The following SUGCT variants were observed in gnomAD, a reference collection of about 807,000 sequenced individuals.
SUGCT encodes succinyl-CoA:glutarate-CoA transferase.
Under a neutral mutation model 55.0 loss-of-function variants are expected in SUGCT, and 41 were observed. That is an observed-to-expected ratio of 0.74 (90% CI 0.58 to 0.97). SUGCT has a LOEUF of 0.97. Among genes scored for constraint, SUGCT ranks in the 50% least tolerant of loss-of-function variants. The pLI, the probability that SUGCT is intolerant of heterozygous loss-of-function variation, is 0.00. For synonymous variants in SUGCT, 187 were observed against 200.4 expected (o/e 0.93, Z 0.56); for missense variants, 568 against 547.8 (o/e 1.04, Z -0.37).
At chr7:40,539,622 AGTT>A (rs1377063762) in intron 12 of SUGCT, 6 of 152,212 alleles carry the variant, frequency 3.9e-5, no homozygotes, top group African/African-American at 1.4e-4. Flanking sequence ...GTTGTTTTGT[AGTT>A]AAGGAGATGG....
intron 12 of SUGCT, among the ~76,000 whole-genome samples, chr7:40,611,883 C>A (rs1020576161): frequency 6.6e-6 from 1 of 152,172 alleles, no homozygotes; most frequent in Non-Finnish European, 1.5e-5. Context: ...CTGATATGAT[C>A]TGTGCAGCCT....
intron 13 of SUGCT, among the ~76,000 whole-genome samples, chr7:40,843,730 AG>A (rs992345659): frequency 4.6e-5 from 7 of 152,126 alleles, no homozygotes; most frequent in Non-Finnish European, 8.8e-5. Flanking sequence ...AGGAAGGCAC[AG>A]GGTGGCTTGG....
chr7:40,962,364 A>C, the SUGCT span, among the ~76,000 whole-genome samples: 1 of 152,044 alleles, frequency 6.6e-6, no homozygotes, highest in East Asian at 1.9e-4. Flanking sequence ...AGCTAGACAG[A>C]AAAGTTCTCC....
At chr7:40,496,443 A>G (rs1583831913) in intron 12 of SUGCT, 57 bp downstream of exon 12, 3 of 1,202,770 alleles carry the variant, frequency 2.5e-6, no homozygotes, top group Non-Finnish European at 3.7e-6. Context: ...ACTTATATCA[A>G]GGTACCTTTG....
chr7:40,683,152 A>G (rs1314669558), intron 12 of SUGCT, among the ~76,000 whole-genome samples: 1 of 152,202 alleles, frequency 6.6e-6, no homozygotes, highest in Non-Finnish European at 1.5e-5. Context: ...TAGAAATTTT[A>G]ATAAAGACAA....
At chr7:40,561,034 T>G (rs1388801496) in intron 12 of SUGCT, among the ~76,000 whole-genome samples, 1 of 152,240 alleles carries the variant, frequency 6.6e-6, no homozygotes. Context: ...AATTAAATGG[T>G]GATTATCACC....
intron 1 of SUGCT, among the ~76,000 whole-genome samples, chr7:40,174,818 A>G (rs188739013): frequency 2.7e-4 from 41 of 152,338 alleles, no homozygotes; most frequent in African/African-American, 9.6e-4. Flanking sequence ...AGATTTTAAA[A>G]TATTATGGAA....
intron 13 of SUGCT, among the ~76,000 whole-genome samples, chr7:40,821,367 G>T (rs184793362): frequency 1.3e-3 from 199 of 152,318 alleles, no homozygotes; most frequent in Non-Finnish European, 2.4e-3. Context: ...ACCTCTGGTA[G>T]AATTCAGCTG....
At chr7:40,544,132 GTTTT>G (rs36008782) in intron 12 of SUGCT, among the ~76,000 whole-genome samples, 1 of 137,408 alleles carries the variant, frequency 7.3e-6, no homozygotes, top group Non-Finnish European at 1.6e-5. Context: ...AAGGTGGGAG[GTTTT>G]TTTTTTTTTT....
intron 11 of SUGCT, among the ~76,000 whole-genome samples, chr7:40,464,134 A>T (rs1161652034): frequency 6.6e-6 from 1 of 152,208 alleles, no homozygotes; most frequent in Non-Finnish European, 1.5e-5. Context: ...GAAGGAGAAG[A>T]GAATTGATGG....
intron 13 of SUGCT, among the ~76,000 whole-genome samples, chr7:40,847,411 C>CTTTTTTTTTTTTTTTTTTT (rs981613426): frequency 8.0e-5 from 6 of 75,396 alleles, no homozygotes; most frequent in Admixed American, 1.6e-4. Flanking sequence ...TTCTTTCTTT[C>CTTTTTTTTTTTTTTTTTTT]TTTTTTTTTT....
chr7:40,625,818 A>G (rs1160268134), intron 12 of SUGCT, among the ~76,000 whole-genome samples: 2 of 152,154 alleles, frequency 1.3e-5, no homozygotes, highest in Non-Finnish European at 2.9e-5. Context: ...TCACTGTAGA[A>G]CAGTCAGGGT....
intron 12 of SUGCT, among the ~76,000 whole-genome samples, chr7:40,657,008 C>CT (rs1429702508): frequency 2.0e-5 from 3 of 152,306 alleles, no homozygotes; most frequent in African/African-American, 7.2e-5. Context: ...AGGGAATAGA[C>CT]TGAAATGAAT....
chr7:40,945,795 T>C, the SUGCT span, among the ~76,000 whole-genome samples: 1 of 152,198 alleles, frequency 6.6e-6, no homozygotes, highest in African/African-American at 2.4e-5. Flanking sequence ...CTACTGTGAA[T>C]GCTGCTGCTC....
intron 12 of SUGCT, among the ~76,000 whole-genome samples, chr7:40,650,566 C>G (rs1295660325): frequency 6.6e-6 from 1 of 152,158 alleles, no homozygotes; most frequent in East Asian, 1.9e-4. Flanking sequence ...GCAGTGATCC[C>G]ATGGACATGT....
the SUGCT span, among the ~76,000 whole-genome samples, chr7:41,030,113 A>G: frequency 6.6e-6 from 1 of 152,212 alleles, no homozygotes; most frequent in Non-Finnish European, 1.5e-5. Context: ...TTGTTGATTA[A>G]TACACCATTG....
At position 40,304,744 on chromosome 7, in the gene SUGCT, AATAATAATAATAATAATC is replaced by A. The variant is rs1173133120; in HGVS notation, c.721-12013_721-11996del. 8.5e-3 allele frequency among the ~76,000 whole-genome samples: 481 copies of A among 56,696 alleles called. 8 individuals carry two copies. Among genetic ancestry groups the A allele is most frequent in the African/African-American group, 0.031 (445 of 14,314 alleles). The allele number at this position is 56,696 out of a possible 152,430, so 37.2% of individuals were successfully genotyped here. A position where few individuals can be genotyped will look rare whatever the true frequency, so the allele number is the denominator to read the frequency against. On this transcript the variant is annotated intron_variant, in intron 8 of 13. Coordinates refer to ENST00000335693, the MANE Select transcript of SUGCT (RefSeq NM_001193313.2). ...GAATAATAATAATAATAATAATAAT[AATAATAATAATAATAATC>A]ATCCAGGTTGCTGTTAATGTCATTA...
chr7:40,263,652 T>C (rs1584500101), intron 7 of SUGCT, among the ~76,000 whole-genome samples: 3 of 152,350 alleles, frequency 2.0e-5, no homozygotes, highest in Non-Finnish European at 4.4e-5. Flanking sequence ...TATAAGTTCA[T>C]ACTTTTCATG....
At chr7:40,668,967 G>T (rs1175777709) in intron 12 of SUGCT, among the ~76,000 whole-genome samples, 2 of 152,150 alleles carry the variant, frequency 1.3e-5, no homozygotes, top group East Asian at 3.9e-4. Flanking sequence ...GCCAAATAAA[G>T]AACTAGGACT....
Sources: allele counts gnomAD v4.1 joint callset (sites outside exome capture counted in the v4.1 genomes callset), GRCh38; gene constraint gnomAD v4.1.1; transcripts MANE v1.5; gene names NCBI Gene and HGNC (gene_info 2026-07-23, HGNC 2026-07-21).